Variants in PLA2G4A observed in about 807,000 individuals in gnomAD.
The protein encoded by PLA2G4A is cytosolic phospholipase A2.
Under a neutral mutation model 81.9 loss-of-function variants are expected in PLA2G4A, and 40 were observed. That is an observed-to-expected ratio of 0.49 (90% CI 0.38 to 0.64). The LOEUF is 0.64. Ranked by LOEUF, PLA2G4A falls within the 30% of genes least tolerant of loss-of-function variation. The pLI is 0.00. For synonymous variants in PLA2G4A, 302 were observed against 296.9 expected (o/e 1.02, Z -0.18); for missense variants, 715 against 905.1 (o/e 0.79, Z 2.69).
At position 186,956,262 on chromosome 1, in the gene PLA2G4A, T is replaced by C. The variant is rs780093825; in HGVS notation, c.1497T>C (p.Asn499=). 23 of 1,613,690 alleles carry C rather than the reference T, an allele frequency of 1.4e-5. No individual in the cohort carries two copies. Among genetic ancestry groups the C allele is most frequent in the Non-Finnish European group, 1.9e-5 (22 of 1,179,752 alleles). Residue 499 remains asparagine, a synonymous_variant, in exon 14 of 18, where the codon AAT becomes AAC. Coordinates refer to ENST00000367466, the MANE Select transcript of PLA2G4A (RefSeq NM_024420.3). ...VHNFMLGLNL[N]TSYPLSPLSD... Reference sequence around the variant, plus strand: ...ACTTCATGCTGGGCTTGAATCTCAATACATCTTATCCACTGTCTCCTTTGA... The same window carrying C: ...ACTTCATGCTGGGCTTGAATCTCAACACATCTTATCCACTGTCTCCTTTGA...
Position 186,977,590 on chromosome 1 carries a change from T to A in PLA2G4A, c.1765-3T>A. 1 of 1,603,048 alleles carries A rather than the reference T, an allele frequency of 6.2e-7. No homozygotes were observed. The highest frequency in any genetic ancestry group is 8.5e-7 in the Non-Finnish European group (1 of 1,170,032). The stretch of plus-strand genomic sequence containing the variant: ...CAAATTCATCTTTCCATCTTTCCCA[T>A]AGGAACTTCTACTTGCAGAAAAGTG... On this transcript the variant is annotated splice_region_variant and splice_polypyrimidine_tract_variant and intron_variant, in intron 15 of 17. Transcript: ENST00000367466.
chr1:186,980,307 G>T (rs1343305029), intron 17 of PLA2G4A, among the ~76,000 whole-genome samples: 1 of 151,836 alleles, frequency 6.6e-6, no homozygotes, highest in Non-Finnish European at 1.5e-5. Context: ...ATTGTCTTCA[G>T]TATCAATCCT....
chr1:186,880,729 G>T (rs144375606), intron 3 of PLA2G4A, among the ~76,000 whole-genome samples: 4 of 152,032 alleles, frequency 2.6e-5, no homozygotes, highest in Admixed American at 1.3e-4. Context: ...TTTTATCACG[G>T]TATATAAGAA....
chr1:186,983,776 G>C (rs1377755064), intron 17 of PLA2G4A, among the ~76,000 whole-genome samples: 1 of 152,024 alleles, frequency 6.6e-6, no homozygotes. Flanking sequence ...GTGGGATGCA[G>C]AGGCATTGGA....
intron 1 of PLA2G4A, among the ~76,000 whole-genome samples, chr1:186,851,241 A>G (rs985142192): frequency 2.0e-5 from 3 of 152,000 alleles, no homozygotes; most frequent in Non-Finnish European, 4.4e-5. Flanking sequence ...TCCTACATAG[A>G]CATTTCAGCT....
chr1:186,887,654 G>A (rs755290474), intron 3 of PLA2G4A, among the ~76,000 whole-genome samples: 7 of 152,134 alleles, frequency 4.6e-5, no homozygotes, highest in East Asian at 1.9e-4. Context: ...GACTCAACAC[G>A]CAATTGCCCT....
At position 186,929,649 on chromosome 1, in the gene PLA2G4A, C is replaced by T. The variant is rs1357994130; in HGVS notation, c.559-3114C>T. On this transcript the variant is annotated intron_variant, in intron 7 of 17. Transcript: ENST00000367466. ...ATTTGTTTGGAGAGACAAAGTAGAGCATAGTGAAATAATAGCTTTGTTATG... is the reference window on the plus strand; with the variant it reads ...ATTTGTTTGGAGAGACAAAGTAGAGTATAGTGAAATAATAGCTTTGTTATG... Among the ~76,000 whole-genome samples, 7 of 152,224 alleles carry T rather than the reference C, an allele frequency of 4.6e-5. No homozygotes were observed. The East Asian group carries it at 1.4e-3, about 29-fold the overall frequency.
chr1:186,895,809 G>A (rs1654314006), intron 5 of PLA2G4A, among the ~76,000 whole-genome samples: 1 of 152,172 alleles, frequency 6.6e-6, no homozygotes, highest in Non-Finnish European at 1.5e-5. Flanking sequence ...TTGAAAGACA[G>A]GCTGTTTGGT....
intron 7 of PLA2G4A, among the ~76,000 whole-genome samples, chr1:186,931,900 C>A (rs546297230): frequency 1.1e-4 from 17 of 152,078 alleles, no homozygotes; most frequent in Non-Finnish European, 2.1e-4. Context: ...AAGCTAGAAA[C>A]CCTAAGTCTG....
chr1:186,984,701 A>G (rs1225849395), intron 17 of PLA2G4A, among the ~76,000 whole-genome samples: 1 of 152,198 alleles, frequency 6.6e-6, no homozygotes, highest in Non-Finnish European at 1.5e-5. Context: ...ATATTAGTCC[A>G]TAACTCATCT....
At chr1:186,862,763 C>A (rs1309256960) in intron 2 of PLA2G4A, among the ~76,000 whole-genome samples, 1 of 152,086 alleles carries the variant, frequency 6.6e-6, no homozygotes, top group African/African-American at 2.4e-5. Flanking sequence ...TTCCCCAAAG[C>A]GCCAAGGATG....
At chr1:186,918,101 A>G (rs1377946719) in intron 7 of PLA2G4A, among the ~76,000 whole-genome samples, 1 of 152,168 alleles carries the variant, frequency 6.6e-6, no homozygotes, top group Non-Finnish European at 1.5e-5. Context: ...GGGTGGAAGA[A>G]GTCTTTTTCT....
intron 14 of PLA2G4A, among the ~76,000 whole-genome samples, chr1:186,964,259 C>T (rs930549544): frequency 1.3e-5 from 2 of 152,226 alleles, no homozygotes; most frequent in Non-Finnish European, 2.9e-5. Context: ...GGCATTTTAT[C>T]CAGTTCAATT....
intron 1 of PLA2G4A, among the ~76,000 whole-genome samples, chr1:186,838,460 T>A (rs371312422): frequency 2.6e-5 from 4 of 152,196 alleles, no homozygotes; most frequent in East Asian, 3.8e-4. Flanking sequence ...AGGTAATTAG[T>A]GACTACTAGG....
Position 186,885,322 on chromosome 1 carries a change from G to A in PLA2G4A, c.116-7689G>A, listed in dbSNP as rs567136313. Among the ~76,000 whole-genome samples, 23 of 152,238 alleles carry A rather than the reference G, an allele frequency of 1.5e-4. No individual in the cohort carries two copies. The South Asian group carries it at 4.8e-3, about 32-fold the overall frequency. ...GGAGATCAGAGAGACCAAATTAAAAGGGGCCTAATAAATACCCTTGACTTT... is the reference window on the plus strand; with the variant it reads ...GGAGATCAGAGAGACCAAATTAAAAAGGGCCTAATAAATACCCTTGACTTT... On this transcript the variant is annotated intron_variant, in intron 3 of 17. Coordinates refer to ENST00000367466, the MANE Select transcript of PLA2G4A (RefSeq NM_024420.3).
intron 13 of PLA2G4A, among the ~76,000 whole-genome samples, chr1:186,955,547 T>A (rs1360812560): frequency 6.6e-6 from 1 of 152,012 alleles, no homozygotes; most frequent in Admixed American, 6.6e-5. Context: ...TACCTGGAAA[T>A]CTGAGCATAG....
At chr1:186,857,077 T>TAATATAGATTATATAATA (rs1468383735) in intron 2 of PLA2G4A, among the ~76,000 whole-genome samples, 2 of 18,186 alleles carry the variant, frequency 1.1e-4, no homozygotes, top group African/African-American at 1.2e-3. Context: ...CCCACATATA[T>TAATATAGATTATATAATA]TATACATATA....
At chr1:186,902,216 G>A (rs1299146103) in intron 5 of PLA2G4A, among the ~76,000 whole-genome samples, 1 of 152,072 alleles carries the variant, frequency 6.6e-6, no homozygotes, top group East Asian at 1.9e-4. Context: ...TAAAAATATA[G>A]CATTATAATC....
intron 15 of PLA2G4A, among the ~76,000 whole-genome samples, chr1:186,971,865 G>A (rs1657367992): frequency 6.6e-6 from 1 of 151,964 alleles, no homozygotes; most frequent in Admixed American, 6.6e-5. Context: ...TTGGATATAT[G>A]CAATATGATT....
Sources: gnomAD v4.1 joint callset for allele counts (sites outside exome capture counted in the v4.1 genomes callset) on GRCh38, gnomAD v4.1.1 for gene constraint, MANE v1.5 for transcripts, NCBI Gene and HGNC (gene_info 2026-07-23, HGNC 2026-07-21) for gene names.